The following NVL variants were observed in gnomAD, a reference collection of about 807,000 sequenced individuals.
The protein encoded by NVL is nuclear valosin-containing protein-like.
Under a neutral mutation model 110.2 loss-of-function variants are expected in NVL, and 84 were observed. That is an observed-to-expected ratio of 0.76 (90% CI 0.64 to 0.91). The LOEUF is 0.91. NVL is among the 40% of genes least tolerant of loss of function. The pLI is 0.00. For missense variants in NVL, 882 were observed against 1,035.9 expected, an observed-to-expected ratio of 0.85 and a Z score of 2.04; for synonymous variants, 354 against 361.1, an observed-to-expected ratio of 0.98 and a Z score of 0.22.
chr1:224,296,434 T>C, intron 11 of NVL, 67 bp downstream of exon 11: 1 of 796,690 alleles, frequency 1.3e-6, no homozygotes, highest in Non-Finnish European at 1.9e-6. Context: ...TTTTTTATCT[T>C]CATGTATTAA....
chr1:224,316,594 C>T (rs1355021975), intron 4 of NVL, among the ~76,000 whole-genome samples: 1 of 146,892 alleles, frequency 6.8e-6, no homozygotes, highest in Non-Finnish European at 1.5e-5. Context: ...ATCAAGTAAC[C>T]TGGGAAGTCA....
At chr1:224,250,086 T>C in intron 19 of NVL, 126 bp downstream of exon 19, 1 of 828,790 alleles carries the variant, frequency 1.2e-6, no homozygotes, top group Non-Finnish European at 1.8e-6. Context: ...CTTTGGGAGA[T>C]ATAGGCTGGG....
intron 1 of NVL, among the ~76,000 whole-genome samples, chr1:224,329,075 G>C (rs1370792089): frequency 6.6e-6 from 1 of 151,958 alleles, no homozygotes; most frequent in Non-Finnish European, 1.5e-5. Flanking sequence ...GCCAGGTGTG[G>C]TGGTGCACAC....
intron 2 of NVL, among the ~76,000 whole-genome samples, chr1:224,322,418 G>A (rs1670741322): frequency 6.6e-6 from 1 of 151,956 alleles, no homozygotes; most frequent in Admixed American, 6.6e-5. Context: ...CTGATCAGGG[G>A]AAGGAAAAAT....
At chr1:224,261,727 G>A (rs1571871288) in intron 18 of NVL, among the ~76,000 whole-genome samples, 5 of 151,958 alleles carry the variant, frequency 3.3e-5, no homozygotes, top group Non-Finnish European at 7.4e-5. Context: ...TGAGGTGGGA[G>A]GATCGCTTGA....
chr1:224,302,046 T>A (rs1488603865), intron 9 of NVL, among the ~76,000 whole-genome samples: 1 of 152,188 alleles, frequency 6.6e-6, no homozygotes, highest in Non-Finnish European at 1.5e-5. Flanking sequence ...ACGATTGTGG[T>A]ACTTAACACT....
chr1:224,277,518 A>G (rs1474065317), intron 16 of NVL, among the ~76,000 whole-genome samples: 1 of 152,222 alleles, frequency 6.6e-6, no homozygotes, highest in Non-Finnish European at 1.5e-5. Flanking sequence ...GTAAAAGGAA[A>G]TTTAATTTAG....
At chr1:224,268,745 A>G (rs534065930) in intron 17 of NVL, among the ~76,000 whole-genome samples, 15 of 152,118 alleles carry the variant, frequency 9.9e-5, no homozygotes, top group African/African-American at 3.6e-4. Context: ...TGCAACCTCC[A>G]TCTCCCAGGT....
chr1:224,287,900 T>C lies in NVL; in HGVS notation c.1669A>G (p.Ile557Val). 1 of 1,614,108 alleles carries C rather than the reference T, an allele frequency of 6.2e-7. No individual in the cohort carries two copies. Among genetic ancestry groups the C allele is most frequent in the Non-Finnish European group, 8.5e-7 (1 of 1,179,986 alleles). The change falls in exon 14 of 23, where the codon ATT (isoleucine) becomes GTT (valine). Residue 557 changes from isoleucine (I) to valine (V), a missense_variant. Coordinates refer to ENST00000281701, the MANE Select transcript of NVL (RefSeq NM_002533.4). ...GGTTGGACTGAGGATAGAGCAACAA[T>C]GAAATCATTCAGTTCAATGCACAGT... Reference protein sequence around the residue: ...QGLCIELNDFIVALSSVQPSA... With the variant: ...QGLCIELNDFVVALSSVQPSA...
intron 19 of NVL, 93 bp downstream of exon 19, chr1:224,250,119 A>G: frequency 7.7e-7 from 1 of 1,292,360 alleles, no homozygotes; most frequent in Non-Finnish European, 1.1e-6. Context: ...CAGAAAAGAA[A>G]GTAATCAGTC....
chr1:224,240,166 C>A lies in NVL; in HGVS notation c.2290-3584G>T, dbSNP rs766665925. On this transcript the variant is annotated intron_variant, in intron 19 of 22. Transcript: ENST00000281701. ...CACTGCAACCTCCGCCCCTCAGGTT[C>A]AAGCGATTCTCCTGCCTCAGCCCCC... Among the ~76,000 whole-genome samples, 95 of 147,232 alleles carry A rather than the reference C, an allele frequency of 6.5e-4. 1 individual carries two copies. The highest frequency in any genetic ancestry group is 1.2e-3 in the Non-Finnish European group (79 of 67,464).
intron 19 of NVL, among the ~76,000 whole-genome samples, chr1:224,241,343 A>C (rs770048877): frequency 3.9e-5 from 6 of 152,224 alleles, no homozygotes; most frequent in Non-Finnish European, 7.3e-5. Flanking sequence ...ATAAAACAAA[A>C]TATGAGGATT....
chr1:224,320,806 C>T (rs1293843704), intron 2 of NVL, among the ~76,000 whole-genome samples: 1 of 152,164 alleles, frequency 6.6e-6, no homozygotes, highest in Non-Finnish European at 1.5e-5. Flanking sequence ...CGTGCCAGCA[C>T]ACCTAGTTAA....
At chr1:224,229,884 T>A (rs1659677779) in intron 22 of NVL, among the ~76,000 whole-genome samples, 1 of 152,128 alleles carries the variant, frequency 6.6e-6, no homozygotes, top group Admixed American at 6.6e-5. Flanking sequence ...GAGGCTGGAG[T>A]ACAATGGTGT....
chr1:224,227,589 T>C lies in NVL; in HGVS notation c.*37A>G. On this transcript the variant is annotated 3_prime_UTR_variant, in exon 23 of 23. Coordinates refer to ENST00000281701, the MANE Select transcript of NVL (RefSeq NM_002533.4). ...GCGTGTGGGGGATTCTCTGCCGGCT[T>C]GATGGGCTAGCTCCTCTAAGCCGGC... is the stretch of plus-strand genomic sequence containing the variant. 4 of 1,594,416 alleles carry C rather than the reference T, an allele frequency of 2.5e-6. No individual in the cohort carries two copies. The highest frequency in any genetic ancestry group is 3.4e-6 in the Non-Finnish European group (4 of 1,165,950).
Position 224,227,764 on chromosome 1 carries a change from C to T in NVL, c.2527-94G>A, listed in dbSNP as rs947821919. The T allele has an allele frequency of 6.3e-6, 7 of 1,111,726 alleles. No individual in the cohort carries two copies. In the Admixed American group the frequency reaches 6.4e-5, roughly 10 times the overall value. 68.9% of individuals were successfully genotyped at this position (1,111,726 alleles called of 1,614,324 possible). On this transcript the variant is annotated intron_variant, in intron 22 of 22. Coordinates refer to ENST00000281701, the MANE Select transcript of NVL (RefSeq NM_002533.4). Reference sequence around the variant, plus strand: ...AAATTCACATGCTGCAGTCCGCACCCGCAGGACCTCAGAATGTGATTGTAA... The same window carrying T: ...AAATTCACATGCTGCAGTCCGCACCTGCAGGACCTCAGAATGTGATTGTAA...
chr1:224,241,504 G>C (rs901022863), intron 19 of NVL, among the ~76,000 whole-genome samples: 2 of 152,022 alleles, frequency 1.3e-5, no homozygotes, highest in Admixed American at 1.3e-4. Context: ...AAATAGGTTG[G>C]TAACTATAGA....
At position 224,305,074 on chromosome 1, in the gene NVL, C is replaced by T. The variant is rs1319832274; in HGVS notation, c.708G>A (p.Gln236=). The part of the protein sequence containing the change: ...KGSKRKKEDL[Q]EVDGEIEAVL... ...CAGCTTCAATTTCTCCATCTACTTC[C>T]TGAAGATCTTCTTTCTTCCTTTTGC... Residue 236 remains glutamine, a synonymous_variant, in exon 7 of 23, where the codon CAG becomes CAA. Transcript: ENST00000281701. 6.8e-6 allele frequency: 11 copies of T among 1,613,916 alleles called. No individual in the cohort carries two copies. Among genetic ancestry groups the T allele is most frequent in the Non-Finnish European group, 9.3e-6 (11 of 1,179,952 alleles).
chr1:224,237,846 C>T (rs910518111), intron 19 of NVL, among the ~76,000 whole-genome samples: 90 of 149,872 alleles, frequency 6.0e-4, no homozygotes, highest in Non-Finnish European at 1.1e-3. Context: ...CCCAGCTACT[C>T]GGGACACTGA....
Sources: allele counts gnomAD v4.1 joint callset (sites outside exome capture counted in the v4.1 genomes callset), GRCh38; gene constraint gnomAD v4.1.1; transcripts MANE v1.5; gene names NCBI Gene and HGNC (gene_info 2026-07-23, HGNC 2026-07-21).